Variants in PDE4D observed in about 807,000 individuals in gnomAD.
The protein encoded by PDE4D is 3',5'-cyclic-AMP phosphodiesterase 4D.
PDE4D carries 24 observed loss-of-function variants against 87.4 expected under a neutral mutation model. The observed-to-expected ratio is 0.27, with a 90% CI of 0.20 to 0.39. The LOEUF (loss-of-function observed/expected upper bound fraction) is 0.39, where lower values mean the gene tolerates loss of function less well. Among genes scored for constraint, PDE4D ranks in the 10% least tolerant of loss-of-function variants. The pLI, the probability that PDE4D is intolerant of heterozygous loss-of-function variation, is 1.00. For missense variants in PDE4D, 714 were observed against 1,041.0 expected, an observed-to-expected ratio of 0.69 and a Z score of 4.32; for synonymous variants, 384 against 383.2, an observed-to-expected ratio of 1.00 and a Z score of -0.02.
intron 1 of PDE4D, among the ~76,000 whole-genome samples, chr5:59,409,192 C>G (rs1055131954): frequency 1.3e-5 from 2 of 151,954 alleles, no homozygotes; most frequent in Admixed American, 1.3e-4. Context: ...ATGCCTGTAC[C>G]TCTATTGTAC....
At chr5:59,007,687 G>C (rs571309307) in intron 6 of PDE4D, among the ~76,000 whole-genome samples, 1 of 151,978 alleles carries the variant, frequency 6.6e-6, no homozygotes, top group South Asian at 2.1e-4. Context: ...ATTTGATTAA[G>C]AAAAAACTAT....
chr5:59,654,035 G>A (rs564541707), intron 1 of PDE4D, among the ~76,000 whole-genome samples: 3 of 152,158 alleles, frequency 2.0e-5, no homozygotes, highest in South Asian at 2.1e-4. Flanking sequence ...GTGGAACACC[G>A]TCTCTACAAA....
At chr5:60,097,265 T>TTGTGTG (rs57591657) in intron 2 of PDE4D, among the ~76,000 whole-genome samples, 33 of 146,572 alleles carry the variant, frequency 2.3e-4, no homozygotes, top group African/African-American at 8.0e-4. Context: ...TGCTATGAAG[T>TTGTGTG]TGTGTGTGTG....
intron 1 of PDE4D, among the ~76,000 whole-genome samples, chr5:60,463,272 A>G (rs1021500418): frequency 6.6e-6 from 1 of 152,142 alleles, no homozygotes; most frequent in African/African-American, 2.4e-5. Context: ...CTATGGCCAC[A>G]TCCTTGGCGT....
At chr5:59,900,287 C>CACACATAT (rs142366012) in intron 3 of PDE4D, among the ~76,000 whole-genome samples, 35 of 145,302 alleles carry the variant, frequency 2.4e-4, no homozygotes, top group South Asian at 4.3e-4. Flanking sequence ...CACACACACA[C>CACACATAT]ATATATATAT....
At chr5:59,267,704 A>C (rs1305492568) in intron 1 of PDE4D, among the ~76,000 whole-genome samples, 2 of 152,146 alleles carry the variant, frequency 1.3e-5, no homozygotes, top group Admixed American at 1.3e-4. Flanking sequence ...TTAAGCAAAG[A>C]AGATTTGTAT....
Position 59,333,087 on chromosome 5 carries a change from C to G in PDE4D, c.456-117119G>C, listed in dbSNP as rs149565377. The stretch of plus-strand genomic sequence containing the variant: ...TTGAAAACTGATATACCAAGCATAT[C>G]TGTTGGCAGTTTGAGTTTTCCTCAA... On this transcript the variant is annotated intron_variant, in intron 1 of 14. Coordinates refer to ENST00000340635, the MANE Select transcript of PDE4D (RefSeq NM_001104631.2). Among the ~76,000 whole-genome samples the G allele has an allele frequency of 1.7e-3, 256 of 152,294 alleles. 1 individual carries two copies. Among genetic ancestry groups the G allele is most frequent in the African/African-American group, 6.0e-3 (248 of 41,560 alleles).
At chr5:60,369,023 G>T (rs1760789659) in intron 1 of PDE4D, among the ~76,000 whole-genome samples, 1 of 151,992 alleles carries the variant, frequency 6.6e-6, no homozygotes, top group African/African-American at 2.4e-5. Flanking sequence ...CATGGTGCTG[G>T]CAGCCTCTCT....
At chr5:59,737,901 C>T (rs1024413630) in intron 1 of PDE4D, among the ~76,000 whole-genome samples, 1 of 151,948 alleles carries the variant, frequency 6.6e-6, no homozygotes, top group African/African-American at 2.4e-5. Context: ...TTTGACTTCC[C>T]GGTTTTACAA....
At position 59,785,461 on chromosome 5, in the gene PDE4D, T is replaced by C. The variant is rs1420045776; in HGVS notation, c.455+107707A>G. ...TATTAGTGGAAAAAGCACAAAGATA[T>C]ATAGATCTGGATCACTGACCTCTCC... On this transcript the variant is annotated intron_variant, in intron 1 of 14. Coordinates refer to ENST00000340635, the MANE Select transcript of PDE4D (RefSeq NM_001104631.2). Among the ~76,000 whole-genome samples, 3 of 152,182 alleles carry C rather than the reference T, an allele frequency of 2.0e-5. No individual in the cohort carries two copies. In the East Asian group the frequency reaches 5.8e-4, roughly 29 times the overall value.
intron 1 of PDE4D, among the ~76,000 whole-genome samples, chr5:59,461,165 G>A (rs991181973): frequency 6.6e-6 from 1 of 151,838 alleles, no homozygotes; most frequent in African/African-American, 2.4e-5. Flanking sequence ...GACATAAATA[G>A]CTAAGAAATT....
intron 1 of PDE4D, among the ~76,000 whole-genome samples, chr5:60,516,710 C>T (rs921100522): frequency 1.1e-4 from 16 of 152,288 alleles, no homozygotes; most frequent in African/African-American, 3.6e-4. Flanking sequence ...CTATGTTATG[C>T]CAGACATTGT....
chr5:59,674,254 A>C (rs911674211), intron 1 of PDE4D, among the ~76,000 whole-genome samples: 12 of 152,266 alleles, frequency 7.9e-5, no homozygotes, highest in African/African-American at 2.6e-4. Context: ...TGCTTGCCTA[A>C]GCCGGAATAG....
intron 1 of PDE4D, among the ~76,000 whole-genome samples, chr5:60,248,505 C>T (rs941797035): frequency 6.6e-6 from 1 of 151,950 alleles, no homozygotes; most frequent in African/African-American, 2.4e-5. Context: ...GATGTGGAGG[C>T]CAGCCTCCAA....
rs185653888 is a variant in PDE4D at position 60,263,771 on chromosome 5, A to G, written c.-89-78084T>C. Among the ~76,000 whole-genome samples the G allele has an allele frequency of 7.9e-5, 12 of 152,350 alleles. No individual in the cohort carries two copies. The East Asian group carries it at 2.1e-3, about 27-fold the overall frequency. The stretch of plus-strand genomic sequence containing the variant: ...AAGCAATGAAAACCTATTATGAAAA[A>G]TAAACACCTATTATGAGCAGAGCAC... On this transcript the variant is annotated intron_variant, in intron 1 of 16. Transcript: ENST00000502484.
At chr5:59,263,836 G>T (rs1009148496) in intron 1 of PDE4D, among the ~76,000 whole-genome samples, 2 of 151,710 alleles carry the variant, frequency 1.3e-5, no homozygotes, top group African/African-American at 2.4e-5. Flanking sequence ...TGGGGGCAGG[G>T]GCTTAAAGGG....
intron 3 of PDE4D, among the ~76,000 whole-genome samples, chr5:59,903,221 A>G (rs1752460914): frequency 6.6e-6 from 1 of 152,250 alleles, no homozygotes; most frequent in South Asian, 2.1e-4. Flanking sequence ...CATTGTAGCT[A>G]TCAACGAACA....
At chr5:59,172,334 ATATAT>A (rs1385225721) in intron 5 of PDE4D, among the ~76,000 whole-genome samples, 2 of 132,812 alleles carry the variant, frequency 1.5e-5, no homozygotes, top group Non-Finnish European at 3.1e-5. Flanking sequence ...ATAATATATA[ATATAT>A]TATATATTAT....
In PDE4D at chr5:60,213,847, G is replaced by A. The variant is rs533007436; in HGVS notation, c.-89-28160C>T. Among the ~76,000 whole-genome samples, 77 of 152,226 alleles carry A rather than the reference G, an allele frequency of 5.1e-4. No individual in the cohort carries two copies. The South Asian group carries it at 9.9e-3, about 20-fold the overall frequency. On this transcript the variant is annotated intron_variant, in intron 1 of 16. Coordinates refer to the PDE4D transcript ENST00000502484. ...TGCAGCCTTCTCAGACTCGTCCAGC[G>A]AGATTAGGTGTCTGTAGGCACCATA...
Sources: allele counts gnomAD v4.1 joint callset (sites outside exome capture counted in the v4.1 genomes callset), GRCh38; gene constraint gnomAD v4.1.1; transcripts MANE v1.5; gene names NCBI Gene and HGNC (gene_info 2026-07-23, HGNC 2026-07-21).